The following LRP4 variants were observed in gnomAD, a reference collection of about 807,000 sequenced individuals.
LRP4 encodes LDL receptor related protein 4, also known as low-density lipoprotein receptor-related protein 4.
LRP4 carries 95 observed loss-of-function variants against 220.3 expected under a neutral mutation model. The observed-to-expected ratio is 0.43, with a 90% CI of 0.37 to 0.51. LRP4 has a LOEUF of 0.51. LRP4 is among the 20% of genes least tolerant of loss of function. LRP4 has a pLI of 0.00. For synonymous variants in LRP4, 903 were observed against 954.6 expected (o/e 0.95, Z 1.00); for missense variants, 1,925 against 2,567.0 (o/e 0.75, Z 5.40).
intron 36 of LRP4, among the ~76,000 whole-genome samples, chr11:46,863,374 C>CTT (rs1940607816): frequency 6.6e-6 from 1 of 152,058 alleles, no homozygotes; most frequent in Non-Finnish European, 1.5e-5. Flanking sequence ...ATGCACTGAG[C>CTT]TTTAGAGTCA....
chr11:46,906,743 C>A (rs1301925619), intron 1 of LRP4, among the ~76,000 whole-genome samples: 4 of 152,150 alleles, frequency 2.6e-5, no homozygotes, highest in Non-Finnish European at 5.9e-5. Flanking sequence ...GGGCCCCACC[C>A]CCGCCTTTGG....
chr11:46,887,489 A>C (rs1941321802), intron 16 of LRP4, among the ~76,000 whole-genome samples: 1 of 151,058 alleles, frequency 6.6e-6, no homozygotes, highest in African/African-American at 2.4e-5. Context: ...GCTTGGGCTC[A>C]GGAGTTTGAG....
intron 34 of LRP4, among the ~76,000 whole-genome samples, chr11:46,866,962 C>T (rs1215332496): frequency 6.6e-6 from 1 of 152,030 alleles, no homozygotes; most frequent in African/African-American, 2.4e-5. Context: ...AAGAATGTCT[C>T]TGAATTGAAT....
rs1265014970 is a variant in LRP4, at chr11:46,875,203, T to C, written c.3926-100A>G. On this transcript the variant is annotated intron_variant, in intron 27 of 37. Transcript: ENST00000378623. The surrounding 1 kb of genome is among the most constrained non-coding windows in gnomAD (Gnocchi z 4.5). ...GTGGCTGGCTCTTTGCTGTTCTAAG[T>C]GACAGGATTCAGTGCCTGGCAGGGT... 7.7e-7 allele frequency: 1 copy of C among 1,293,744 alleles called. No individual in the cohort carries two copies. Among genetic ancestry groups the C allele is most frequent in the African/African-American group, 1.5e-5 (1 of 68,586 alleles). 80.1% of individuals were successfully genotyped at this position (1,293,744 alleles called of 1,614,324 possible). A position where few individuals can be genotyped will look rare whatever the true frequency, so the allele number is the denominator to read the frequency against.
intron 13 of LRP4, among the ~76,000 whole-genome samples, chr11:46,891,428 T>TACACACAC (rs57116396): frequency 2.7e-5 from 4 of 147,192 alleles, no homozygotes; most frequent in African/African-American, 1.0e-4. Context: ...TTGTATTTTA[T>TACACACAC]ACACACACAC....
intron 1 of LRP4, among the ~76,000 whole-genome samples, chr11:46,904,236 C>A (rs1337446524): frequency 6.6e-6 from 1 of 152,164 alleles, no homozygotes; most frequent in Non-Finnish European, 1.5e-5. Context: ...GGAGTCAGCT[C>A]GAAATTGTCA....
In LRP4 at chr11:46,862,767, G is replaced by A. The variant is rs1410050216; in HGVS notation, c.5244-20C>T. 3 of 1,612,944 alleles carry A rather than the reference G, an allele frequency of 1.9e-6. No homozygotes were observed. The highest frequency in any genetic ancestry group is 2.5e-6 in the Non-Finnish European group (3 of 1,179,210). On this transcript the variant is annotated intron_variant, in intron 36 of 37. Transcript: ENST00000378623. ...TTGTGTCTTTAGGAGGGAAGGTGAT[G>A]AGAAATTAGTCGAGATCTTTAAGGG...
At position 46,896,974 on chromosome 11, in the gene LRP4, C is replaced by T; in HGVS notation, c.817G>A (p.Glu273Lys). The change falls in exon 8 of 38, where the codon GAA becomes AAA. Residue 273 changes from glutamate to lysine, a missense_variant. By Grantham distance (56) the Glu-to-Lys change is moderately conservative. Transcript: ENST00000378623. The part of the protein sequence containing the change: ...RNCTTSMCTA[E>K]QFRCHSGRCV... ...CGGCCTGAGTGACAGCGGAACTGTT[C>T]TGCCGTACACATGGAGGTGGCTGGG... is the stretch of plus-strand genomic sequence containing the variant. 6.2e-7 allele frequency: 1 copy of T among 1,614,224 alleles called. No homozygotes were observed. The highest frequency in any genetic ancestry group is 8.5e-7 in the Non-Finnish European group (1 of 1,180,030).
intron 36 of LRP4, among the ~76,000 whole-genome samples, chr11:46,863,237 C>T (rs1024442771): frequency 3.3e-5 from 5 of 152,142 alleles, no homozygotes; most frequent in African/African-American, 1.2e-4. Flanking sequence ...GTCTGTGAGA[C>T]ACCTTGAGGC....
intron 31 of LRP4, among the ~76,000 whole-genome samples, chr11:46,870,528 A>G (rs745887375): frequency 3.3e-5 from 5 of 152,140 alleles, no homozygotes; most frequent in Non-Finnish European, 7.4e-5. Flanking sequence ...GGCTCAAGCG[A>G]TCCTCCTGCC....
At chr11:46,916,412 C>A (rs1353237717) in intron 1 of LRP4, among the ~76,000 whole-genome samples, 1 of 152,092 alleles carries the variant, frequency 6.6e-6, no homozygotes, top group Non-Finnish European at 1.5e-5. Flanking sequence ...TGCATTCCAG[C>A]CTGGGCAACA....
Position 46,890,754 on chromosome 11 carries a change from C to T in LRP4, c.1698-260G>A, listed in dbSNP as rs938057329. Among the ~76,000 whole-genome samples, 3 of 151,922 alleles carry T rather than the reference C, an allele frequency of 2.0e-5. No homozygotes were observed. Among genetic ancestry groups the T allele is most frequent in the Non-Finnish European group, 2.9e-5 (2 of 67,974 alleles). On this transcript the variant is annotated intron_variant, in intron 13 of 37. Coordinates refer to ENST00000378623, the MANE Select transcript of LRP4 (RefSeq NM_002334.4). The surrounding 1 kb of genome is among the most constrained non-coding windows in gnomAD (Gnocchi z 5.3). ...CTTCTGAGCAGCTAGTATCGCTACA[C>T]CTAACTAATTTTTTTTTGTAGTAGA...
chr11:46,900,008 G>A (rs750343190), intron 3 of LRP4, 32 bp from the exon 4 acceptor site: 1 of 1,542,070 alleles, frequency 6.5e-7, no homozygotes, highest in Admixed American at 1.7e-5. Flanking sequence ...GCTGCTGCAG[G>A]CAGTGGGGGT....
At chr11:46,889,753 GA>G in intron 15 of LRP4, 190 bp downstream of exon 15, 1 of 836,836 alleles carries the variant, frequency 1.2e-6, no homozygotes, top group South Asian at 1.6e-5. Context: ...GAAGTCTAAT[GA>G]ATCTTTTCGT....
chr11:46,916,074 T>C (rs188372593), intron 1 of LRP4, among the ~76,000 whole-genome samples: 1 of 152,274 alleles, frequency 6.6e-6, no homozygotes, highest in East Asian at 1.9e-4. Context: ...TTCACCCCAC[T>C]GCCTACCCTT....
chr11:46,872,642 G>T (rs1940901692), intron 30 of LRP4, among the ~76,000 whole-genome samples: 1 of 152,098 alleles, frequency 6.6e-6, no homozygotes, highest in African/African-American at 2.4e-5. Flanking sequence ...TACTTGAGAG[G>T]CTGAGGTAAG....
chr11:46,862,377 G>A (rs1940580954), intron 37 of LRP4, among the ~76,000 whole-genome samples: 1 of 152,152 alleles, frequency 6.6e-6, no homozygotes, highest in African/African-American at 2.4e-5. Context: ...TAAATCTTCT[G>A]AGATCTGCCT....
Position 46,873,481 on chromosome 11 carries a change from C to T in LRP4, c.4342G>A (p.Gly1448Ser). The T allele has an allele frequency of 6.2e-7, 1 of 1,614,216 alleles. No homozygotes were observed. The highest frequency in any genetic ancestry group is 8.5e-7 in the Non-Finnish European group (1 of 1,180,050). Residue 1448 changes from glycine (G) to serine (S), a missense_variant, in exon 29 of 38, where the codon GGT (glycine) becomes AGT (serine). Physicochemically the swap from Gly to Ser is moderately conservative, Grantham distance 56. This residue lies in a region of LRP4 where 1,244 missense variants were observed against 1,624.9 expected (regional missense o/e 0.77). Coordinates refer to ENST00000378623, the MANE Select transcript of LRP4 (RefSeq NM_002334.4). The surrounding 1 kb of genome is among the most constrained non-coding windows in gnomAD (Gnocchi z 4.2). ...CTGGACGCCTCAATGGTATTTCGACCTGTGTCTGTCCAGTACAGGTTCCTG... is the reference window on the plus strand; with the variant it reads ...CTGGACGCCTCAATGGTATTTCGACTTGTGTCTGTCCAGTACAGGTTCCTG... ...VARNLYWTDT[G>S]RNTIEASRLD...
chr11:46,911,522 G>A (rs1383603653), intron 1 of LRP4, among the ~76,000 whole-genome samples: 2 of 150,684 alleles, frequency 1.3e-5, no homozygotes, highest in African/African-American at 2.4e-5. Context: ...CCATGAGTTC[G>A]AGGCTACAGT....
Sources: gnomAD v4.1 joint callset for allele counts (sites outside exome capture counted in the v4.1 genomes callset) on GRCh38, gnomAD v4.1.1 for gene constraint, gnomAD v4.1.1 regional missense constraint, Gnocchi (gnomAD v3.1) non-coding constraint, MANE v1.5 for transcripts, NCBI Gene and HGNC (gene_info 2026-07-23, HGNC 2026-07-21) for gene names.